The following GRIK2 variants were observed in gnomAD, a reference collection of about 807,000 sequenced individuals.
GRIK2 encodes glutamate receptor ionotropic, kainate 2.
A neutral mutation model predicts 100.3 loss-of-function variants in GRIK2; 32 were observed. The observed-to-expected ratio is 0.32, with a 90% confidence interval of 0.24 to 0.43. GRIK2 has a LOEUF of 0.43. Ranked by LOEUF, GRIK2 falls within the 20% of genes least tolerant of loss-of-function variation. The pLI, the probability that GRIK2 is intolerant of heterozygous loss-of-function variation, is 1.00. For missense variants in GRIK2, 843 were observed against 1,114.9 expected, an observed-to-expected ratio of 0.76 and a Z score of 3.47; for synonymous variants, 417 against 389.4, an observed-to-expected ratio of 1.07 and a Z score of -0.83.
At chr6:101,818,029 T>A (rs1434155778) in intron 9 of GRIK2, among the ~76,000 whole-genome samples, 2 of 152,216 alleles carry the variant, frequency 1.3e-5, no homozygotes, top group South Asian at 2.1e-4. Flanking sequence ...ATGAAATAGA[T>A]CCATTACAGT....
chr6:101,920,358 C>T (rs959654172), intron 12 of GRIK2, among the ~76,000 whole-genome samples: 1 of 151,912 alleles, frequency 6.6e-6, no homozygotes, highest in East Asian at 1.9e-4. Flanking sequence ...TATTTAGCAC[C>T]ATTTCCTAAA....
chr6:102,067,778 T>A (rs972274605), intron 16 of GRIK2, among the ~76,000 whole-genome samples: 3 of 151,910 alleles, frequency 2.0e-5, no homozygotes, highest in Non-Finnish European at 2.9e-5. Context: ...TTGTTTGTAA[T>A]CACTGTCAAT....
At chr6:101,695,461 ACG>A (rs1772415492) in intron 7 of GRIK2, among the ~76,000 whole-genome samples, 2 of 152,120 alleles carry the variant, frequency 1.3e-5, no homozygotes, top group African/African-American at 4.8e-5. Flanking sequence ...AAACCATAGC[ACG>A]CACTTTTGTG....
At chr6:102,045,641 A>G (rs1446996271) in intron 15 of GRIK2, among the ~76,000 whole-genome samples, 1 of 152,076 alleles carries the variant, frequency 6.6e-6, no homozygotes, top group East Asian at 1.9e-4. Context: ...TAATTATCTA[A>G]TAATGCAAAG....
chr6:101,586,862 T>C (rs1212838793), intron 2 of GRIK2, among the ~76,000 whole-genome samples: 13 of 130,360 alleles, frequency 1.0e-4, no homozygotes, highest in Non-Finnish European at 1.8e-4. Context: ...TGCACTATAG[T>C]CTGGGCAAAA....
intron 15 of GRIK2, among the ~76,000 whole-genome samples, chr6:102,046,340 AC>A (rs1470076502): frequency 6.6e-6 from 1 of 152,020 alleles, no homozygotes. Context: ...CTCTGTCCCC[AC>A]CCAAATCTCA....
intron 2 of GRIK2, among the ~76,000 whole-genome samples, chr6:101,507,217 G>GT (rs1009127052): frequency 1.3e-4 from 20 of 151,962 alleles, no homozygotes; most frequent in Non-Finnish European, 2.6e-4. Context: ...AGTTAAAAAT[G>GT]TTTTTATATT....
chr6:101,560,236 T>A (rs1776937803), intron 2 of GRIK2, among the ~76,000 whole-genome samples: 1 of 152,144 alleles, frequency 6.6e-6, no homozygotes, highest in Non-Finnish European at 1.5e-5. Flanking sequence ...TAAGTTTATT[T>A]TCCTTTACTA....
At chr6:101,695,657 G>A (rs2128349371) in intron 7 of GRIK2, among the ~76,000 whole-genome samples, 1 of 152,116 alleles carries the variant, frequency 6.6e-6, no homozygotes, top group African/African-American at 2.4e-5. Flanking sequence ...ATATGCAAAT[G>A]CTCTTTGACT....
chr6:101,695,988 TAAAAA>T (rs896713835), intron 7 of GRIK2, among the ~76,000 whole-genome samples: 2 of 151,838 alleles, frequency 1.3e-5, no homozygotes, highest in African/African-American at 2.4e-5. Context: ...CATCATAAAA[TAAAAA>T]AAATCACAAG....
At chr6:101,845,882 G>A (rs948485418) in intron 10 of GRIK2, among the ~76,000 whole-genome samples, 3 of 152,004 alleles carry the variant, frequency 2.0e-5, no homozygotes, top group African/African-American at 4.8e-5. Context: ...ATCTTACTGC[G>A]GTTTAGATTT....
intron 11 of GRIK2, among the ~76,000 whole-genome samples, chr6:101,877,760 T>G (rs1412186910): frequency 6.6e-6 from 1 of 151,970 alleles, no homozygotes; most frequent in Non-Finnish European, 1.5e-5. Flanking sequence ...ATGTTTGCTT[T>G]TTTTGTTGAG....
intron 7 of GRIK2, among the ~76,000 whole-genome samples, chr6:101,745,542 C>T (rs771666195): frequency 1.8e-4 from 27 of 152,088 alleles, no homozygotes; most frequent in South Asian, 6.2e-4. Context: ...TTTTGAGAAA[C>T]GTTTTATGTA....
At chr6:101,609,967 C>T (rs1286311213) in intron 2 of GRIK2, among the ~76,000 whole-genome samples, 1 of 151,468 alleles carries the variant, frequency 6.6e-6, no homozygotes, top group African/African-American at 2.4e-5. Context: ...TTAGCAATCT[C>T]AAGATAATTT....
At chr6:101,627,854 A>G (rs1780536330) in intron 4 of GRIK2, among the ~76,000 whole-genome samples, 1 of 152,166 alleles carries the variant, frequency 6.6e-6, no homozygotes, top group Non-Finnish European at 1.5e-5. Context: ...ACAAATGGTT[A>G]TCTTGAATTA....
chr6:101,583,280 T>C (rs1276958828), intron 2 of GRIK2, among the ~76,000 whole-genome samples: 6 of 152,112 alleles, frequency 3.9e-5, no homozygotes, highest in African/African-American at 9.7e-5. Flanking sequence ...ACTTAATGGA[T>C]ACCTAAGCCA....
chr6:101,966,354 G>A (rs1223042), intron 14 of GRIK2, among the ~76,000 whole-genome samples: 44,393 of 151,964 alleles, frequency 0.29, 6,901 homozygotes, highest in Non-Finnish European at 0.35. Flanking sequence ...ATTGATTTCT[G>A]TAGGGCAGAA....
At chr6:101,452,122 T>A (rs1467491846) in intron 2 of GRIK2, among the ~76,000 whole-genome samples, 1 of 151,794 alleles carries the variant, frequency 6.6e-6, no homozygotes, top group Non-Finnish European at 1.5e-5. Context: ...TAAAATAGTA[T>A]TTTCAATAAC....
intron 7 of GRIK2, among the ~76,000 whole-genome samples, chr6:101,689,247 G>A (rs1011096306): frequency 6.6e-6 from 1 of 152,148 alleles, no homozygotes; most frequent in East Asian, 1.9e-4. Flanking sequence ...AGATCTCAGT[G>A]TTTATGTATC....
Sources: allele counts gnomAD v4.1 joint callset (sites outside exome capture counted in the v4.1 genomes callset), GRCh38; gene constraint gnomAD v4.1.1; transcripts MANE v1.5; gene names NCBI Gene and HGNC (gene_info 2026-07-23, HGNC 2026-07-21).